The following MVP variants were observed in gnomAD, a reference collection of about 807,000 sequenced individuals.
MVP encodes major vault protein.
MVP carries 62 observed loss-of-function variants against 83.5 expected under a neutral mutation model. The observed-to-expected ratio is 0.74, with a 90% confidence interval of 0.61 to 0.92. The LOEUF (loss-of-function observed/expected upper bound fraction) is 0.92, where lower values mean the gene tolerates loss of function less well. Ranked by LOEUF, MVP falls within the 40% of genes least tolerant of loss-of-function variation. The pLI is 0.00. For synonymous variants in MVP, 505 were observed against 504.1 expected, an observed-to-expected ratio of 1.00 and a Z score of -0.02; for missense variants, 1,000 against 1,203.4, an observed-to-expected ratio of 0.83 and a Z score of 2.50.
chr16:29,826,908 AGAGT>A (rs1465663430), intron 1 of MVP, among the ~76,000 whole-genome samples: 1 of 150,012 alleles, frequency 6.7e-6, no homozygotes, highest in Admixed American at 6.7e-5. Context: ...GCCTGGCGAC[AGAGT>A]GAGAGTCCAT....
chr16:29,828,423 A>AG (rs756562156), intron 1 of MVP, among the ~76,000 whole-genome samples: 4 of 150,474 alleles, frequency 2.7e-5, no homozygotes, highest in Non-Finnish European at 5.9e-5. Flanking sequence ...TCTGTTGCCC[A>AG]GGCTGGAGTG....
Position 29,836,873 on chromosome 16 carries a change from C to T in MVP, c.824C>T (p.Thr275Ile). 1.9e-6 allele frequency: 3 copies of T among 1,614,046 alleles called. No individual in the cohort carries two copies. The highest frequency in any genetic ancestry group is 2.5e-6 in the Non-Finnish European group (3 of 1,179,998). ...GTGCTGGGGGTTGTGCCCATCACCA[C>T]CCTGGGCCCCCACAACTACTGCGTG... is the stretch of plus-strand genomic sequence containing the variant. The part of the protein sequence containing the change: ...EEVLGVVPIT[T>I]LGPHNYCVIL... The change falls in exon 7 of 15, where the codon ACC becomes ATC. Residue 275 changes from threonine to isoleucine, a missense_variant. Physicochemically the swap from Thr to Ile is moderately conservative, Grantham distance 89 (BLOSUM62 -1). Coordinates refer to ENST00000357402, the MANE Select transcript of MVP (RefSeq NM_005115.5).
At chr16:29,824,819 G>A (rs1308618320) in intron 1 of MVP, among the ~76,000 whole-genome samples, 2 of 152,004 alleles carry the variant, frequency 1.3e-5, no homozygotes, top group African/African-American at 4.8e-5. Context: ...CTGGGAAGTA[G>A]TGACTCATGA....
Position 29,841,637 on chromosome 16 carries a change from C to T in MVP, c.1233C>T (p.Asp411=), listed in dbSNP as rs543997562. The T allele has an allele frequency of 1.4e-5, 22 of 1,612,064 alleles. No individual in the cohort carries two copies. Among genetic ancestry groups the T allele is most frequent in the African/African-American group, 9.3e-5 (7 of 74,992 alleles). ...GAAGCACCTACATGCTGACCCAGGA[C>T]GAAGTCCTGTGGGAGAAAGAGCTGC... ...VIGSTYMLTQ[D]EVLWEKELPP... is the part of the protein sequence containing the mutation. Residue 411 remains aspartate (D), a synonymous_variant, in exon 9 of 15, where the codon GAC becomes GAT. Transcript: ENST00000357402. This position sits in a 1 kb window ranked among gnomAD's most constrained non-coding sequence, Gnocchi z 4.7.
chr16:29,826,799 C>T (rs1301389449), intron 1 of MVP, among the ~76,000 whole-genome samples: 2 of 150,598 alleles, frequency 1.3e-5, no homozygotes, highest in Non-Finnish European at 3.0e-5. Context: ...TGGTGGCAGG[C>T]GCTTGTAGTC....
chr16:29,833,467 AC>A (rs1478518130), intron 3 of MVP: 3 of 272,266 alleles, frequency 1.1e-5, no homozygotes, highest in South Asian at 9.3e-5. Context: ...GCCTGGCTAC[AC>A]TTTTTTTTTT....
chr16:29,837,039 C>G, intron 7 of MVP, 81 bp downstream of exon 7: 4 of 1,307,520 alleles, frequency 3.1e-6, no homozygotes, highest in Non-Finnish European at 4.2e-6. Flanking sequence ...GCCTTCTCTC[C>G]TCCAGACGCA....
Position 29,834,079 on chromosome 16 carries a change from A to AG in MVP, c.577+17dup. On this transcript the variant is annotated intron_variant, in intron 5 of 14. Transcript: ENST00000357402. Reference sequence around the variant, plus strand: ...GAGAGGGTGACAGGTGGGGTCACCAAGGGGCGATGATGGTGGGTGGGCAGG... The same window carrying AG: ...GAGAGGGTGACAGGTGGGGTCACCAAGGGGGCGATGATGGTGGGTGGGCAGG... 1 of 1,611,826 alleles carries AG rather than the reference A, an allele frequency of 6.2e-7. No homozygotes were observed. The highest frequency in any genetic ancestry group is 1.1e-5 in the South Asian group (1 of 90,598).
chr16:29,845,064 C>A (rs868724181), intron 11 of MVP, among the ~76,000 whole-genome samples, 185 bp downstream of exon 11: 8 of 151,914 alleles, frequency 5.3e-5, no homozygotes, highest in Admixed American at 5.3e-4. Context: ...GGCTCATGCC[C>A]GTAATCCCAG....
chr16:29,828,580 A>G (rs899626790), intron 1 of MVP, among the ~76,000 whole-genome samples: 5 of 152,096 alleles, frequency 3.3e-5, no homozygotes, highest in African/African-American at 9.7e-5. Context: ...GGGTTTCGCC[A>G]TGTTGGCCAG....
At chr16:29,847,510 G>A (rs757957130) in intron 14 of MVP, 125 bp downstream of exon 14, 48 of 977,094 alleles carry the variant, frequency 4.9e-5, no homozygotes, top group Non-Finnish European at 6.9e-5. Flanking sequence ...CCTGACCCAC[G>A]ATGCAGGGAC....
chr16:29,840,442 G>C lies in MVP; in HGVS notation c.1174G>C (p.Asp392His), dbSNP rs756680511. 1 of 1,573,170 alleles carries C rather than the reference G, an allele frequency of 6.4e-7. No individual in the cohort carries two copies. Among genetic ancestry groups the C allele is most frequent in the African/African-American group, 1.3e-5 (1 of 74,666 alleles). The change falls in exon 8 of 15, where the codon GAT becomes CAT. Residue 392 changes from aspartate to histidine, a missense_variant. Asp to His is a moderately conservative substitution (Grantham distance 81). Coordinates refer to ENST00000357402, the MANE Select transcript of MVP (RefSeq NM_005115.5). ...LDENEGIYVQ[D>H]VKTGKVRAVI... ...CGAGAACGAGGGCATCTATGTGCAG[G>C]ATGTCAAGACCGGAAAGGTAATGGC... is the stretch of plus-strand genomic sequence containing the variant.
At chr16:29,829,703 C>T (rs1428278324) in intron 1 of MVP, 2 of 152,202 alleles carry the variant, frequency 1.3e-5, no homozygotes, top group South Asian at 2.1e-4. Context: ...TCCCCCTTCT[C>T]CTTCCTTTCC....
intron 1 of MVP, among the ~76,000 whole-genome samples, chr16:29,828,135 A>G (rs937115219): frequency 5.9e-5 from 9 of 151,526 alleles, no homozygotes; most frequent in African/African-American, 2.2e-4. Flanking sequence ...TAATTTTTGT[A>G]TTTTTAGTAG....
At chr16:29,837,072 C>A in intron 7 of MVP, 114 bp downstream of exon 7, 2 of 940,004 alleles carry the variant, frequency 2.1e-6, no homozygotes, top group Non-Finnish European at 3.1e-6. Context: ...ACCTTCTGTG[C>A]CTTTGCATGC....
At chr16:29,822,777 G>C (rs1380945052) in intron 1 of MVP, 1 of 152,236 alleles carries the variant, frequency 6.6e-6, no homozygotes, top group Non-Finnish European at 1.5e-5. Context: ...GAGTACAATG[G>C]CGCAATCTCG....
At chr16:29,821,062 G>C (rs1012479433) in intron 1 of MVP, 1 of 152,240 alleles carries the variant, frequency 6.6e-6, no homozygotes, top group African/African-American at 2.4e-5. Flanking sequence ...TCCAGAAGGC[G>C]TAGAATTTAG....
At chr16:29,833,607 G>A in intron 3 of MVP, 126 bp from the exon 4 acceptor site, 2 of 1,314,388 alleles carry the variant, frequency 1.5e-6, no homozygotes, top group Admixed American at 2.1e-5. Context: ...ACTGTGCCCG[G>A]CCTCCACCCC....
chr16:29,833,555 C>G (rs1034964306), intron 3 of MVP, 178 bp from the exon 4 acceptor site: 3 of 634,658 alleles, frequency 4.7e-6, no homozygotes, highest in Non-Finnish European at 5.1e-6. Flanking sequence ...AGCAATCCTC[C>G]TACCTCAGTC....
Sources: gnomAD v4.1 joint callset for allele counts (sites outside exome capture counted in the v4.1 genomes callset) on GRCh38, gnomAD v4.1.1 for gene constraint, Gnocchi (gnomAD v3.1) non-coding constraint, MANE v1.5 for transcripts, NCBI Gene and HGNC (gene_info 2026-07-23, HGNC 2026-07-21) for gene names.